Variants in NALCN observed in about 807,000 individuals in gnomAD.
NALCN encodes the protein sodium leak channel, non-selective, also known as sodium leak channel NALCN.
In NALCN, 111 loss-of-function variants were observed where a neutral mutation model predicts 225.3. The ratio of observed to expected loss-of-function variants is 0.49; its 90% confidence interval spans 0.42 to 0.58. NALCN has a LOEUF of 0.58. Ranked by LOEUF, NALCN falls within the 20% of genes least tolerant of loss-of-function variation. The pLI is 0.00. For synonymous variants in NALCN, 764 were observed against 769.0 expected (o/e 0.99, Z 0.11); for missense variants, 1,378 against 2,202.4 (o/e 0.63, Z 7.49).
At chr13:101,399,353 T>A (rs2047402549) in intron 1 of NALCN, among the ~76,000 whole-genome samples, 188 bp from the exon 2 acceptor site, 1 of 152,188 alleles carries the variant, frequency 6.6e-6, no homozygotes, top group Non-Finnish European at 1.5e-5. Flanking sequence ...CTTGATTTTT[T>A]TCTCCCAAAG....
chr13:101,076,049 T>A (rs1468500404), intron 34 of NALCN, 108 bp from the exon 35 acceptor site: 1 of 762,362 alleles, frequency 1.3e-6, no homozygotes, highest in East Asian at 3.0e-5. Flanking sequence ...GCTTAATATG[T>A]GTAAATTATT....
At chr13:101,115,619 A>T (rs1005903527) in intron 18 of NALCN, among the ~76,000 whole-genome samples, 1 of 152,206 alleles carries the variant, frequency 6.6e-6, no homozygotes, top group Non-Finnish European at 1.5e-5. Flanking sequence ...TTGCCACTTT[A>T]CATTTTTCAT....
chr13:101,244,197 T>C (rs2140172055), intron 11 of NALCN, among the ~76,000 whole-genome samples: 1 of 152,062 alleles, frequency 6.6e-6, no homozygotes, highest in South Asian at 2.1e-4. Context: ...TGGTGATCCA[T>C]TTTAAAGTGT....
At chr13:101,088,233 T>G (rs546145576) in intron 30 of NALCN, among the ~76,000 whole-genome samples, 3 of 152,216 alleles carry the variant, frequency 2.0e-5, no homozygotes, top group Admixed American at 6.5e-5. Flanking sequence ...ACATGCTCAT[T>G]AGCCACACAT....
At chr13:101,360,085 CTTTCTTTCT>C (rs971309697) in intron 6 of NALCN, among the ~76,000 whole-genome samples, 2 of 148,156 alleles carry the variant, frequency 1.3e-5, no homozygotes, top group African/African-American at 5.2e-5. Context: ...CTTTCTTTCT[CTTTCTTTCT>C]TTTCTTTCTC....
intron 7 of NALCN, among the ~76,000 whole-genome samples, chr13:101,307,941 T>C (rs888808114): frequency 1.3e-5 from 2 of 152,214 alleles, no homozygotes; most frequent in African/African-American, 4.8e-5. Flanking sequence ...ATATAAAATT[T>C]AGCAGTGACT....
intron 33 of NALCN, 82 bp from the exon 34 acceptor site, chr13:101,081,728 G>A (rs2033663840): frequency 2.0e-6 from 3 of 1,502,016 alleles, no homozygotes; most frequent in Non-Finnish European, 2.7e-6. Flanking sequence ...TGCATTATGT[G>A]TATGTATTTT....
intron 13 of NALCN, among the ~76,000 whole-genome samples, chr13:101,209,677 A>C (rs1323594105): frequency 2.0e-5 from 3 of 152,222 alleles, no homozygotes; most frequent in Non-Finnish European, 4.4e-5. Flanking sequence ...AGTGAGTAAT[A>C]CAGGAAAGTT....
intron 34 of NALCN, among the ~76,000 whole-genome samples, chr13:101,078,034 G>T (rs2033373044): frequency 6.6e-6 from 1 of 152,210 alleles, no homozygotes; most frequent in Admixed American, 6.5e-5. Flanking sequence ...CCACGACTTG[G>T]TGGCTTACAC....
At chr13:101,173,747 ACT>A (rs1477026137) in intron 15 of NALCN, among the ~76,000 whole-genome samples, 1 of 151,452 alleles carries the variant, frequency 6.6e-6, no homozygotes, top group Non-Finnish European at 1.5e-5. Flanking sequence ...CCTCCACTCT[ACT>A]CTCTATCTGG....
intron 7 of NALCN, among the ~76,000 whole-genome samples, chr13:101,325,103 C>G (rs2044894817): frequency 6.6e-6 from 1 of 152,106 alleles, no homozygotes; most frequent in Admixed American, 6.5e-5. Context: ...TGGCTTAAAT[C>G]CGTACAGGGT....
chr13:101,315,633 T>A (rs561792962), intron 7 of NALCN, among the ~76,000 whole-genome samples: 1 of 152,260 alleles, frequency 6.6e-6, no homozygotes, highest in South Asian at 2.1e-4. Flanking sequence ...TAATATATAA[T>A]CTCTCAAGAA....
intron 43 of NALCN, among the ~76,000 whole-genome samples, chr13:101,056,067 G>T (rs2031204359): frequency 6.6e-6 from 1 of 152,036 alleles, no homozygotes; most frequent in Admixed American, 6.6e-5. Flanking sequence ...ATTAAAACAG[G>T]TTACATGAGA....
chr13:101,110,833 C>G, intron 19 of NALCN, 145 bp from the exon 20 acceptor site: 1 of 838,130 alleles, frequency 1.2e-6, no homozygotes, highest in African/African-American at 1.7e-5. Flanking sequence ...GAAGCTTATA[C>G]TCTCTCCAAA....
In NALCN at chr13:101,254,815, C is replaced by T. The variant is rs1219134124; in HGVS notation, c.1266+3628G>A. Among the ~76,000 whole-genome samples the T allele has an allele frequency of 2.5e-4, 17 of 68,222 alleles. 3 individuals are homozygous for T. Among genetic ancestry groups the T allele is most frequent in the African/African-American group, 7.1e-4 (17 of 23,926 alleles). The allele number at this position is 68,222 out of a possible 152,430, so 44.8% of individuals were successfully genotyped here. Reference sequence around the variant, plus strand: ...CTGAGGCAGGAGAATGGCGTGAACCCGGGAGGCGGAGCTTGCAGTGAGCCG... The same window carrying T: ...CTGAGGCAGGAGAATGGCGTGAACCTGGGAGGCGGAGCTTGCAGTGAGCCG... On this transcript the variant is annotated intron_variant, in intron 11 of 43. Transcript: ENST00000251127.
intron 7 of NALCN, among the ~76,000 whole-genome samples, chr13:101,300,345 CTTTT>C (rs756068551): frequency 8.6e-6 from 1 of 116,902 alleles, no homozygotes; most frequent in Non-Finnish European, 1.7e-5. Flanking sequence ...CCTTCTTTTT[CTTTT>C]TCTTCTTTCT....
At chr13:101,275,251 G>T (rs1840114843) in intron 10 of NALCN, among the ~76,000 whole-genome samples, 1 of 152,134 alleles carries the variant, frequency 6.6e-6, no homozygotes, top group Admixed American at 6.5e-5. Flanking sequence ...TGGGTAATAT[G>T]CAAGGAGAGA....
intron 10 of NALCN, among the ~76,000 whole-genome samples, chr13:101,261,089 T>C (rs2042410670): frequency 6.6e-6 from 1 of 152,190 alleles, no homozygotes; most frequent in South Asian, 2.1e-4. Context: ...CTTCTGCATA[T>C]GGATGTCCAG....
intron 17 of NALCN, among the ~76,000 whole-genome samples, chr13:101,140,157 G>A (rs1282420647): frequency 6.6e-6 from 1 of 152,194 alleles, no homozygotes; most frequent in Non-Finnish European, 1.5e-5. Flanking sequence ...GAAAAAGTAT[G>A]TTTTTGACAT....
Sources: allele counts gnomAD v4.1 joint callset (sites outside exome capture counted in the v4.1 genomes callset), GRCh38; gene constraint gnomAD v4.1.1; transcripts MANE v1.5; gene names NCBI Gene and HGNC (gene_info 2026-07-23, HGNC 2026-07-21).